Variants in POLA2 observed in about 807,000 individuals in gnomAD.
POLA2 encodes DNA polymerase alpha 2, accessory subunit.
POLA2 carries 47 observed loss-of-function variants against 82.8 expected under a neutral mutation model. That is an observed-to-expected ratio of 0.57 (90% CI 0.45 to 0.72). The LOEUF is 0.72. Among genes scored for constraint, POLA2 ranks in the 30% least tolerant of loss-of-function variants. POLA2 has a pLI of 0.00. For synonymous variants in POLA2, 287 were observed against 286.8 expected, an observed-to-expected ratio of 1.00 and a Z score of -0.01; for missense variants, 634 against 728.1, an observed-to-expected ratio of 0.87 and a Z score of 1.49.
chr11:65,280,927 G>T lies in POLA2; in HGVS notation c.745-65G>T. 2.0e-6 allele frequency: 3 copies of T among 1,527,674 alleles called. No individual in the cohort carries two copies. The South Asian group carries it at 3.5e-5, about 18-fold the overall frequency. 94.6% of individuals were successfully genotyped at this position (1,527,674 alleles called of 1,614,324 possible). A position where few individuals can be genotyped will look rare whatever the true frequency, so the allele number is the denominator to read the frequency against. On this transcript the variant is annotated intron_variant, in intron 7 of 17. Transcript: ENST00000265465. ...AGTTTGTTTTGCTATTCACCCTATC[G>T]ACTTCAGATTTTGAGCTCCTGCTCC... is the stretch of plus-strand genomic sequence containing the variant.
At chr11:65,275,773 C>T in intron 4 of POLA2, 119 bp from the exon 5 acceptor site, 1 of 477,520 alleles carries the variant, frequency 2.1e-6, no homozygotes, top group Non-Finnish European at 3.7e-6. Context: ...AGAGAACCCA[C>T]CCAGTCCTAT....
At chr11:65,301,662 C>T (rs1264444244), downstream of POLA2, among the ~76,000 whole-genome samples, 1 of 151,792 alleles carries the variant, frequency 6.6e-6, no homozygotes, top group South Asian at 2.1e-4. Flanking sequence ...AGCACTTGCA[C>T]TTAGCATCAC....
At chr11:65,282,777 G>A (rs1949654851) in intron 10 of POLA2, among the ~76,000 whole-genome samples, 1 of 152,200 alleles carries the variant, frequency 6.6e-6, no homozygotes, top group Non-Finnish European at 1.5e-5. Context: ...TGTTTAACAG[G>A]TATTTTTGAA....
intron 14 of POLA2, 136 bp from the exon 15 acceptor site, chr11:65,294,410 T>G (rs1222349012): frequency 1.0e-6 from 1 of 971,162 alleles, no homozygotes; most frequent in Non-Finnish European, 1.6e-6. Context: ...CAGGCAAATG[T>G]GTCCAAAAGC....
chr11:65,301,536 G>C (rs1949859543), downstream of POLA2, among the ~76,000 whole-genome samples: 1 of 152,100 alleles, frequency 6.6e-6, no homozygotes, highest in South Asian at 2.1e-4. Flanking sequence ...AGTGAGACAT[G>C]GGCGTTGGAG....
chr11:65,264,054 C>G (rs1949431290), intron 1 of POLA2, among the ~76,000 whole-genome samples: 1 of 151,946 alleles, frequency 6.6e-6, no homozygotes, highest in Non-Finnish European at 1.5e-5. Context: ...AACCGTATTT[C>G]CCTGTTTTTT....
chr11:65,289,899 C>CCTAAGAAG, intron 13 of POLA2, 27 bp downstream of exon 13: 3 of 1,434,648 alleles, frequency 2.1e-6, no homozygotes, highest in Non-Finnish European at 2.9e-6. Context: ...CTGGACAGAA[C>CCTAAGAAG]CTTAAGCTTC....
chr11:65,268,357 ATTT>A (rs905358336), intron 3 of POLA2, among the ~76,000 whole-genome samples: 1 of 142,450 alleles, frequency 7.0e-6, no homozygotes, highest in Non-Finnish European at 1.5e-5. Context: ...TATTATTATT[ATTT>A]TTTTTTTTTG....
chr11:65,279,612 C>G lies in POLA2; in HGVS notation c.730C>G (p.Leu244Val), dbSNP rs1273798281. ...HYKIEAFTPL[L>V]APAQEPVTLL... Reference sequence around the variant, plus strand: ...CAAGATTGAAGCTTTCACTCCTTTGCTAGCCCCAGCACAGGTAAGAGTTGT... The same window carrying G: ...CAAGATTGAAGCTTTCACTCCTTTGGTAGCCCCAGCACAGGTAAGAGTTGT... Residue 244 changes from leucine (L) to valine (V), a missense_variant, in exon 7 of 18, where the codon CTA (leucine) becomes GTA (valine). Leu to Val is a conservative substitution (Grantham distance 32). Coordinates refer to ENST00000265465, the MANE Select transcript of POLA2 (RefSeq NM_002689.4). 2.5e-6 allele frequency: 4 copies of G among 1,611,262 alleles called. No homozygotes were observed. The African/African-American group carries it at 4.0e-5, about 16-fold the overall frequency.
chr11:65,288,512 GTT>G (rs572913995), intron 11 of POLA2, among the ~76,000 whole-genome samples: 2 of 119,944 alleles, frequency 1.7e-5, no homozygotes, highest in Non-Finnish European at 3.3e-5. Flanking sequence ...TTTGTTTTTT[GTT>G]TTTTTTTTTT....
chr11:65,302,092 G>C (rs1330887820), downstream of POLA2, among the ~76,000 whole-genome samples: 3 of 152,172 alleles, frequency 2.0e-5, no homozygotes, highest in Non-Finnish European at 2.9e-5. Context: ...CTCAGGGACA[G>C]CTGCTGCCCA....
intron 1 of POLA2, among the ~76,000 whole-genome samples, chr11:65,263,605 A>G (rs1023135211): frequency 1.3e-5 from 2 of 152,196 alleles, no homozygotes; most frequent in Admixed American, 6.5e-5. Context: ...AGGCAGGTGG[A>G]TAATCTGAAG....
intron 3 of POLA2, 45 bp from the exon 4 acceptor site, chr11:65,268,627 C>T: frequency 7.8e-7 from 1 of 1,275,982 alleles, no homozygotes; most frequent in South Asian, 1.2e-5. Context: ...CAGGCATGAG[C>T]TACCGTGCCC....
downstream of POLA2, among the ~76,000 whole-genome samples, chr11:65,301,481 A>G (rs118170037): frequency 1.5e-3 from 222 of 151,694 alleles, 2 homozygotes; most frequent in East Asian, 0.021. Context: ...GTCGGGAGGA[A>G]GAGGGGCACC....
chr11:65,279,914 T>G, intron 7 of POLA2: 3 of 327,164 alleles, frequency 9.2e-6, no homozygotes, highest in Non-Finnish European at 1.7e-5. Flanking sequence ...CCCGGGGATT[T>G]CCCACAAATA....
At chr11:65,289,722 G>A in intron 12 of POLA2, 77 bp from the exon 13 acceptor site, 1 of 906,862 alleles carries the variant, frequency 1.1e-6, no homozygotes, top group East Asian at 2.5e-5. Flanking sequence ...ACTTCTATGG[G>A]TCACCTAACA....
intron 5 of POLA2, among the ~76,000 whole-genome samples, chr11:65,277,667 T>C (rs1312316031): frequency 6.6e-6 from 1 of 152,226 alleles, no homozygotes; most frequent in Non-Finnish European, 1.5e-5. Context: ...TACAATGCTC[T>C]GAAACCTGTA....
chr11:65,268,344 T>A (rs1423293094), intron 3 of POLA2, among the ~76,000 whole-genome samples: 1 of 151,218 alleles, frequency 6.6e-6, no homozygotes, highest in Non-Finnish European at 1.5e-5. Context: ...GAAAGTTTAT[T>A]ATTATTATTA....
chr11:65,266,600 A>C lies in POLA2; in HGVS notation c.98A>C (p.Gln33Pro), dbSNP rs201563360. The change falls in exon 2 of 18, where the codon CAG becomes CCG. Residue 33 changes from glutamine (Q) to proline (P), a missense_variant. Coordinates refer to ENST00000265465, the MANE Select transcript of POLA2 (RefSeq NM_002689.4). ...TCTACAGTGGTAGAGCTTTGTGTTCAGTATGGACAGAATGAGGAGGGAATG... is the reference window on the plus strand; with the variant it reads ...TCTACAGTGGTAGAGCTTTGTGTTCCGTATGGACAGAATGAGGAGGGAATG... Reference protein sequence around the residue: ...LIEKLVELCVQYGQNEEGMVG... With the variant: ...LIEKLVELCVPYGQNEEGMVG... 1 of 1,614,186 alleles carries C rather than the reference A, an allele frequency of 6.2e-7. No individual in the cohort carries two copies. The highest frequency in any genetic ancestry group is 2.2e-5 in the East Asian group (1 of 44,888).
Sources: allele counts gnomAD v4.1 joint callset (sites outside exome capture counted in the v4.1 genomes callset), GRCh38; gene constraint gnomAD v4.1.1; transcripts MANE v1.5; gene names NCBI Gene and HGNC (gene_info 2026-07-23, HGNC 2026-07-21).